Variants in SLC35D4 observed in about 807,000 individuals in gnomAD.
The protein encoded by SLC35D4 is UDP-N-acetylglucosamine transporter SLC35D4.
chr18:23,392,256 T>C, the SLC35D4 span, among the ~76,000 whole-genome samples: 1 of 152,210 alleles, frequency 6.6e-6, no homozygotes, highest in African/African-American at 2.4e-5. Context: ...AGATTTCTTA[T>C]ACAATTCTCT....
the SLC35D4 span, among the ~76,000 whole-genome samples, chr18:23,300,182 G>GA: frequency 1.3e-5 from 2 of 152,176 alleles, no homozygotes; most frequent in African/African-American, 4.8e-5. Flanking sequence ...ACATGACTGT[G>GA]AAAGGGAGGC....
At chr18:23,436,262 A>C in the SLC35D4 span, among the ~76,000 whole-genome samples, 1 of 151,892 alleles carries the variant, frequency 6.6e-6, no homozygotes. Context: ...TCCTGGCCTC[A>C]AACAATCCAC....
the SLC35D4 span, among the ~76,000 whole-genome samples, chr18:23,269,921 T>G: frequency 6.6e-6 from 1 of 152,184 alleles, no homozygotes; most frequent in Non-Finnish European, 1.5e-5. Context: ...TTTGGAAAAT[T>G]TGCAGCCTGA....
the SLC35D4 span, among the ~76,000 whole-genome samples, chr18:23,279,283 C>T: frequency 6.6e-6 from 1 of 152,190 alleles, no homozygotes; most frequent in Non-Finnish European, 1.5e-5. Context: ...CTCTTCTACG[C>T]AACTGTCCCC....
At chr18:23,357,184 G>A in the SLC35D4 span, among the ~76,000 whole-genome samples, 1 of 152,062 alleles carries the variant, frequency 6.6e-6, no homozygotes, top group East Asian at 1.9e-4. Context: ...GGTCATGAAT[G>A]TACTGCCCTG....
chr18:23,421,281 T>A, the SLC35D4 span: 1 of 1,089,510 alleles, frequency 9.2e-7, no homozygotes, highest in Non-Finnish European at 1.4e-6. Flanking sequence ...CCTCTGTGCT[T>A]CCAGTGTAAC....
the SLC35D4 span, among the ~76,000 whole-genome samples, chr18:23,311,150 G>A: frequency 2.0e-5 from 3 of 150,268 alleles, no homozygotes; most frequent in African/African-American, 7.4e-5. Context: ...CGCCCAGGCT[G>A]GAGTGCAGTG....
the SLC35D4 span, among the ~76,000 whole-genome samples, chr18:23,299,111 G>A: frequency 6.6e-6 from 1 of 152,186 alleles, no homozygotes; most frequent in South Asian, 2.1e-4. Context: ...AAAACCATAT[G>A]TTTTAGAATC....
the SLC35D4 span, among the ~76,000 whole-genome samples, chr18:23,379,032 T>TA: frequency 6.6e-6 from 1 of 152,166 alleles, no homozygotes; most frequent in African/African-American, 2.4e-5. Context: ...GCTGGGAAGT[T>TA]AGCCCTCAAG....
At chr18:23,247,597 A>G in the SLC35D4 span, among the ~76,000 whole-genome samples, 1 of 152,222 alleles carries the variant, frequency 6.6e-6, no homozygotes, top group Non-Finnish European at 1.5e-5. Context: ...TGGATGCTGG[A>G]GAAGCCAGAG....
At chr18:23,388,195 G>C in the SLC35D4 span, among the ~76,000 whole-genome samples, 31 of 152,124 alleles carry the variant, frequency 2.0e-4, no homozygotes, top group Non-Finnish European at 4.3e-4. Flanking sequence ...GGACCTGCAG[G>C]CTGTTTTCTC....
chr18:23,254,342 C>T, the SLC35D4 span, among the ~76,000 whole-genome samples: 3 of 152,176 alleles, frequency 2.0e-5, no homozygotes, highest in East Asian at 1.9e-4. Context: ...TGGGGAAAGG[C>T]GTGAGTTTGA....
chr18:23,432,817 C>CA, the SLC35D4 span, among the ~76,000 whole-genome samples: 3 of 151,560 alleles, frequency 2.0e-5, no homozygotes, highest in Non-Finnish European at 2.9e-5. Context: ...CCTATCTTGA[C>CA]AAAAAATACA....
the SLC35D4 span, among the ~76,000 whole-genome samples, chr18:23,414,634 C>T: frequency 2.2e-4 from 34 of 151,650 alleles, no homozygotes; most frequent in Non-Finnish European, 4.3e-4. Context: ...GATCACGCCA[C>T]TGCACTCCAG....
chr18:23,350,665 G>C, the SLC35D4 span, among the ~76,000 whole-genome samples: 11 of 152,054 alleles, frequency 7.2e-5, no homozygotes, highest in South Asian at 2.1e-4. Flanking sequence ...TTCCAAAGAG[G>C]ACTATCAACT....
At chr18:23,253,609 C>T in the SLC35D4 span, 1 of 814,444 alleles carries the variant, frequency 1.2e-6, no homozygotes, top group African/African-American at 1.7e-5. Context: ...GACTTAATCC[C>T]AGTCCAGATC....
chr18:23,386,857 C>A, the SLC35D4 span, among the ~76,000 whole-genome samples: 7 of 152,064 alleles, frequency 4.6e-5, no homozygotes, highest in African/African-American at 1.4e-4. Context: ...GGATAGGTAG[C>A]CTTGACAAGG....
chr18:23,279,570 C>A, the SLC35D4 span, among the ~76,000 whole-genome samples: 1 of 151,746 alleles, frequency 6.6e-6, no homozygotes, highest in Non-Finnish European at 1.5e-5. Context: ...AAACCTAGTT[C>A]TATGAAGGGG....
the SLC35D4 span, chr18:23,421,288 T>C: frequency 8.3e-7 from 1 of 1,204,750 alleles, no homozygotes; most frequent in African/African-American, 1.5e-5. Context: ...GCTTCCAGTG[T>C]AACACCATAT....
Sources: allele counts gnomAD v4.1 joint callset (sites outside exome capture counted in the v4.1 genomes callset), GRCh38; gene constraint gnomAD v4.1.1; transcripts MANE v1.5; gene names NCBI Gene and HGNC (gene_info 2026-07-23, HGNC 2026-07-21).